Variants in NLGN1 observed in about 807,000 individuals in gnomAD.
NLGN1 encodes neuroligin-1.
In NLGN1, 12 loss-of-function variants were observed where a neutral mutation model predicts 65.5. The ratio of observed to expected loss-of-function variants is 0.18; its 90% CI spans 0.12 to 0.30. NLGN1 has a LOEUF of 0.30. Ranked by LOEUF, NLGN1 falls within the 10% of genes least tolerant of loss-of-function variation. NLGN1 has a pLI of 1.00. For missense variants in NLGN1, 750 were observed against 1,007.1 expected (o/e 0.74, Z 3.46); for synonymous variants, 350 against 359.5 (o/e 0.97, Z 0.30).
intron 4 of NLGN1, among the ~76,000 whole-genome samples, chr3:174,199,066 C>T (rs373794289): frequency 4.0e-4 from 61 of 152,052 alleles, no homozygotes; most frequent in South Asian, 3.7e-3. Flanking sequence ...AGGCTGGTCT[C>T]GAACTCCCGA....
chr3:173,978,605 A>G (rs1718047592), intron 4 of NLGN1, among the ~76,000 whole-genome samples: 1 of 151,978 alleles, frequency 6.6e-6, no homozygotes, highest in South Asian at 2.1e-4. Context: ...AGCAGTCAAG[A>G]AGAAGAAAAA....
chr3:174,192,780 T>C (rs925385213), intron 4 of NLGN1, among the ~76,000 whole-genome samples: 2 of 152,178 alleles, frequency 1.3e-5, no homozygotes, highest in Non-Finnish European at 2.9e-5. Context: ...GCATCTGTTA[T>C]AACTTACTTT....
At chr3:173,919,147 T>G (rs374562757) in intron 4 of NLGN1, among the ~76,000 whole-genome samples, 2 of 147,136 alleles carry the variant, frequency 1.4e-5, no homozygotes, top group South Asian at 4.3e-4. Flanking sequence ...TCAAGATCCT[T>G]AACTTAATCA....
chr3:173,690,711 G>A (rs935054436), intron 3 of NLGN1, among the ~76,000 whole-genome samples: 12 of 152,092 alleles, frequency 7.9e-5, no homozygotes, highest in African/African-American at 1.2e-4. Context: ...TTCTGCTTCC[G>A]TTTACAGCAG....
At chr3:173,738,692 T>C (rs1438336154) in intron 3 of NLGN1, among the ~76,000 whole-genome samples, 1 of 152,056 alleles carries the variant, frequency 6.6e-6, no homozygotes, top group East Asian at 1.9e-4. Flanking sequence ...TCCAACTCTG[T>C]TTATTTTTGA....
intron 4 of NLGN1, among the ~76,000 whole-genome samples, chr3:174,236,119 A>G (rs1308938021): frequency 6.6e-6 from 1 of 152,130 alleles, no homozygotes. Context: ...TGTTACTAGT[A>G]TGCTTTTTTG....
rs182299192 is a variant in NLGN1, at chr3:174,094,048, A to G, written c.647-181267A>G. On this transcript the variant is annotated intron_variant, in intron 4 of 6. Transcript: ENST00000457714. ...AATCTACAAATCTGAACATAATCCA[A>G]AAAAGTAAAAATCTATATACCGTAG... Among the ~76,000 whole-genome samples, 80 of 152,276 alleles carry G rather than the reference A, an allele frequency of 5.3e-4. 1 individual carries two copies. Among genetic ancestry groups the G allele is most frequent in the African/African-American group, 1.8e-3 (74 of 41,578 alleles).
At chr3:173,397,475 C>G (rs1202156790), upstream of NLGN1, among the ~76,000 whole-genome samples, 4 of 152,128 alleles carry the variant, frequency 2.6e-5, no homozygotes, top group East Asian at 7.7e-4. Flanking sequence ...CATCTCCAGC[C>G]CCGGCAGTTT....
chr3:174,048,814 T>C (rs377065148), intron 4 of NLGN1, among the ~76,000 whole-genome samples: 3 of 152,068 alleles, frequency 2.0e-5, no homozygotes, highest in South Asian at 2.1e-4. Flanking sequence ...AATTGATATA[T>C]TCAAATTAAA....
chr3:173,928,277 G>A (rs1743388401), intron 4 of NLGN1, among the ~76,000 whole-genome samples: 1 of 152,102 alleles, frequency 6.6e-6, no homozygotes, highest in South Asian at 2.1e-4. Flanking sequence ...TGTTCTTGGG[G>A]ATCACCACAT....
At chr3:173,703,213 A>G (rs1285822361) in intron 3 of NLGN1, among the ~76,000 whole-genome samples, 1 of 152,130 alleles carries the variant, frequency 6.6e-6, no homozygotes, top group Non-Finnish European at 1.5e-5. Flanking sequence ...AGTACCCTTT[A>G]TAGAACCAAA....
At chr3:174,277,488 A>AATATT (rs1750801672) in intron 5 of NLGN1, among the ~76,000 whole-genome samples, 1 of 151,964 alleles carries the variant, frequency 6.6e-6, no homozygotes, top group Non-Finnish European at 1.5e-5. Context: ...GATGGGAAAT[A>AATATT]ATATTATAGA....
chr3:173,443,059 A>G (rs1719491706), intron 2 of NLGN1, among the ~76,000 whole-genome samples: 1 of 151,926 alleles, frequency 6.6e-6, no homozygotes, highest in Non-Finnish European at 1.5e-5. Context: ...TGTATATTTT[A>G]AAGTGGAAAC....
intron 4 of NLGN1, among the ~76,000 whole-genome samples, chr3:174,166,504 G>A (rs1004954230): frequency 4.6e-5 from 7 of 151,952 alleles, no homozygotes; most frequent in African/African-American, 9.7e-5. Flanking sequence ...GAGATCTTCC[G>A]AGTATTGATT....
chr3:173,465,413 T>C (rs1222784900), intron 2 of NLGN1, among the ~76,000 whole-genome samples: 3 of 152,188 alleles, frequency 2.0e-5, no homozygotes, highest in Admixed American at 2.0e-4. Context: ...AGAACAATTA[T>C]GGCAGCAAGG....
At chr3:173,566,368 TG>T (rs1167272274) in intron 2 of NLGN1, among the ~76,000 whole-genome samples, 1 of 152,170 alleles carries the variant, frequency 6.6e-6, no homozygotes, top group Non-Finnish European at 1.5e-5. Flanking sequence ...GTTAATTGTA[TG>T]GGCTAGTAGG....
intron 4 of NLGN1, among the ~76,000 whole-genome samples, chr3:173,838,600 C>T (rs1359328243): frequency 1.3e-5 from 2 of 152,044 alleles, no homozygotes; most frequent in Non-Finnish European, 2.9e-5. Flanking sequence ...GACTCCCAGC[C>T]TCTAAATCCC....
chr3:173,418,888 T>C (rs1714349906), intron 1 of NLGN1, among the ~76,000 whole-genome samples: 1 of 151,926 alleles, frequency 6.6e-6, no homozygotes, highest in Admixed American at 6.6e-5. Flanking sequence ...CTTGTCCAAC[T>C]CACAGGCCCT....
intron 3 of NLGN1, among the ~76,000 whole-genome samples, chr3:173,720,907 A>G (rs372702926): frequency 1.2e-4 from 19 of 152,218 alleles, no homozygotes; most frequent in African/African-American, 4.3e-4. Context: ...ACGTAGAGCT[A>G]TGATGAGGAG....
Sources: gnomAD v4.1 joint callset for allele counts (sites outside exome capture counted in the v4.1 genomes callset) on GRCh38, gnomAD v4.1.1 for gene constraint, MANE v1.5 for transcripts, NCBI Gene and HGNC (gene_info 2026-07-23, HGNC 2026-07-21) for gene names.